LARP1B: variants seen among roughly 807,000 people sequenced by gnomAD.
The protein encoded by LARP1B is la-related protein 1B.
A neutral mutation model predicts 114.2 loss-of-function variants in LARP1B; 76 were observed. That is an observed-to-expected ratio of 0.67 (90% CI 0.55 to 0.81). LARP1B has a LOEUF of 0.81. Among genes scored for constraint, LARP1B ranks in the 30% least tolerant of loss-of-function variants. LARP1B has a pLI of 0.00. For synonymous variants in LARP1B, 345 were observed against 348.0 expected (o/e 0.99, Z 0.10); for missense variants, 1,014 against 1,075.8 (o/e 0.94, Z 0.80).
intron 1 of LARP1B, among the ~76,000 whole-genome samples, chr4:128,065,583 T>TA (rs1387375326): frequency 6.6e-6 from 1 of 151,928 alleles, no homozygotes; most frequent in Non-Finnish European, 1.5e-5. Flanking sequence ...GTAACTTAGA[T>TA]AAAAGAGATT....
chr4:128,095,059 T>C (rs1213210269), intron 7 of LARP1B, among the ~76,000 whole-genome samples: 6 of 152,222 alleles, frequency 3.9e-5, no homozygotes, highest in Non-Finnish European at 5.9e-5. Context: ...CATGAAATTT[T>C]AGAATTTTAA....
chr4:128,158,928 T>C (rs1737080642), intron 11 of LARP1B, among the ~76,000 whole-genome samples: 1 of 151,804 alleles, frequency 6.6e-6, no homozygotes, highest in African/African-American at 2.4e-5. Context: ...CCAGCTGTTC[T>C]GGAGGCTGAG....
chr4:128,122,402 A>G (rs989970112), intron 11 of LARP1B: 6 of 1,483,366 alleles, frequency 4.0e-6, no homozygotes, highest in Non-Finnish European at 5.4e-6. Flanking sequence ...TACTGTAATT[A>G]CAAAAGAAAA....
chr4:128,161,094 T>G (rs1303952108), intron 11 of LARP1B, among the ~76,000 whole-genome samples: 1 of 152,206 alleles, frequency 6.6e-6, no homozygotes, highest in African/African-American at 2.4e-5. Context: ...AGATGTGATA[T>G]AGGGTTTTAT....
intron 11 of LARP1B, among the ~76,000 whole-genome samples, chr4:128,137,138 C>T (rs1725662998): frequency 6.6e-6 from 1 of 151,856 alleles, no homozygotes. Context: ...ATTATCTTGA[C>T]TTTAATTAAA....
chr4:128,158,169 A>G (rs192197146), intron 11 of LARP1B, among the ~76,000 whole-genome samples: 52 of 152,310 alleles, frequency 3.4e-4, no homozygotes, highest in African/African-American at 1.3e-3. Flanking sequence ...TTCAAAGTAC[A>G]TAAAATTTGC....
At chr4:128,161,215 A>G (rs1257954205) in intron 11 of LARP1B, among the ~76,000 whole-genome samples, 1 of 152,208 alleles carries the variant, frequency 6.6e-6, no homozygotes, top group Admixed American at 6.5e-5. Flanking sequence ...TGGGTGAACC[A>G]TAGGGTTCAA....
chr4:128,091,568 C>CT, intron 7 of LARP1B, 56 bp downstream of exon 7: 1 of 1,320,530 alleles, frequency 7.6e-7, no homozygotes, highest in Non-Finnish European at 1.0e-6. Flanking sequence ...GCAATATGAA[C>CT]TTTAATGTCA....
chr4:128,155,551 C>G, intron 11 of LARP1B: 2 of 804,786 alleles, frequency 2.5e-6, no homozygotes, highest in Non-Finnish European at 4.5e-6. Flanking sequence ...GTGGATGGTA[C>G]AGCTTCATTT....
intron 12 of LARP1B, among the ~76,000 whole-genome samples, chr4:128,174,505 T>G (rs1745093568): frequency 6.6e-6 from 1 of 152,038 alleles, no homozygotes; most frequent in African/African-American, 2.4e-5. Flanking sequence ...TAGATGTTGA[T>G]CTTACAAAAT....
At chr4:128,124,478 C>T (rs930386932) in intron 11 of LARP1B, among the ~76,000 whole-genome samples, 5 of 152,072 alleles carry the variant, frequency 3.3e-5, no homozygotes, top group African/African-American at 4.8e-5. Context: ...AGTTTGCCTA[C>T]GGTATTATAT....
At chr4:128,136,992 G>T (rs969448466) in intron 11 of LARP1B, among the ~76,000 whole-genome samples, 7 of 152,022 alleles carry the variant, frequency 4.6e-5, no homozygotes, top group African/African-American at 1.7e-4. Flanking sequence ...AAACAACTCA[G>T]CATTCAAAGA....
At chr4:128,112,732 C>G (rs1196315367) in intron 9 of LARP1B, among the ~76,000 whole-genome samples, 3 of 152,036 alleles carry the variant, frequency 2.0e-5, no homozygotes, top group Admixed American at 6.6e-5. Context: ...CCTCGGCCCC[C>G]CAAAGTGCTG....
intron 3 of LARP1B, among the ~76,000 whole-genome samples, chr4:128,075,306 T>C (rs1646406295): frequency 6.6e-6 from 1 of 152,086 alleles, no homozygotes; most frequent in African/African-American, 2.4e-5. Flanking sequence ...TTTGCTGGTC[T>C]CCAACTCCTG....
In LARP1B at chr4:128,121,322, CTATT is replaced by C. The variant is rs760698156; in HGVS notation, c.1162-498_1162-495del. Among the ~76,000 whole-genome samples, 593 of 152,266 alleles carry C rather than the reference CTATT, an allele frequency of 3.9e-3. 3 individuals carry two copies. Among genetic ancestry groups the C allele is most frequent in the Middle Eastern group, 6.8e-3 (2 of 294 alleles). On this transcript the variant is annotated intron_variant, in intron 10 of 19. Coordinates refer to ENST00000326639, the MANE Select transcript of LARP1B (RefSeq NM_018078.4). Reference sequence around the variant, plus strand: ...TCTATCTGTCTATCTATCTATCTATCTATTTATTTTTTGAGACAGAGTTTCGCTC... The same window carrying C: ...TCTATCTGTCTATCTATCTATCTATCTATTTTTTGAGACAGAGTTTCGCTC...
At chr4:128,137,047 A>G (rs1055050287) in intron 11 of LARP1B, among the ~76,000 whole-genome samples, 2 of 152,212 alleles carry the variant, frequency 1.3e-5, no homozygotes, top group Non-Finnish European at 2.9e-5. Context: ...TGGTAACTAA[A>G]GTTAAAAAGT....
chr4:128,081,354 C>T (rs1042998072), intron 4 of LARP1B, among the ~76,000 whole-genome samples: 2 of 146,946 alleles, frequency 1.4e-5, no homozygotes, highest in African/African-American at 2.5e-5. Flanking sequence ...GCTAGGATTA[C>T]AGGCATGAGC....
At chr4:128,116,219 A>T (rs1785773802) in intron 10 of LARP1B, among the ~76,000 whole-genome samples, 1 of 152,156 alleles carries the variant, frequency 6.6e-6, no homozygotes, top group Non-Finnish European at 1.5e-5. Context: ...ATGTGATAGG[A>T]TTGCTTTGAT....
intron 7 of LARP1B, among the ~76,000 whole-genome samples, chr4:128,094,055 CTTTTT>C (rs1013631916): frequency 6.7e-6 from 1 of 149,658 alleles, no homozygotes; most frequent in Non-Finnish European, 1.5e-5. Flanking sequence ...TTGCAGTCTA[CTTTTT>C]TTTAACTTTT....
Sources: allele counts gnomAD v4.1 joint callset (sites outside exome capture counted in the v4.1 genomes callset), GRCh38; gene constraint gnomAD v4.1.1; transcripts MANE v1.5; gene names NCBI Gene and HGNC (gene_info 2026-07-23, HGNC 2026-07-21).